SLIT3: variants seen among roughly 807,000 people sequenced by gnomAD.
SLIT3 encodes the protein slit homolog 3 protein.
Under a neutral mutation model 184.0 loss-of-function variants are expected in SLIT3, and 68 were observed. The ratio of observed to expected loss-of-function variants is 0.37; its 90% CI spans 0.30 to 0.45. The LOEUF is 0.45. Ranked by LOEUF, SLIT3 falls within the 20% of genes least tolerant of loss-of-function variation. SLIT3 has a pLI of 1.00. For synonymous variants in SLIT3, 831 were observed against 828.6 expected, an observed-to-expected ratio of 1.00 and a Z score of -0.05; for missense variants, 1,707 against 2,026.0, an observed-to-expected ratio of 0.84 and a Z score of 3.02.
chr5:168,847,079 T>C (rs527907630), intron 5 of SLIT3, among the ~76,000 whole-genome samples: 5 of 152,340 alleles, frequency 3.3e-5, no homozygotes, highest in African/African-American at 1.2e-4. Flanking sequence ...CTCTGATCAT[T>C]TTCAGGCTAA....
chr5:169,169,042 G>A (rs543926810), intron 4 of SLIT3, among the ~76,000 whole-genome samples: 34 of 152,258 alleles, frequency 2.2e-4, no homozygotes, highest in African/African-American at 7.9e-4. Context: ...CAGAGTGGGG[G>A]GGGGATCACC....
intron 6 of SLIT3, among the ~76,000 whole-genome samples, chr5:168,829,547 C>T (rs1159319226): frequency 1.3e-5 from 2 of 152,208 alleles, no homozygotes; most frequent in East Asian, 1.9e-4. Context: ...TAATGGCCCC[C>T]AAGAAGGAGA....
chr5:169,216,655 T>C (rs1373802764), intron 3 of SLIT3, among the ~76,000 whole-genome samples: 1 of 152,170 alleles, frequency 6.6e-6, no homozygotes, highest in Non-Finnish European at 1.5e-5. Context: ...TGAGCCCTGA[T>C]TTCATCTGTA....
chr5:169,188,442 A>G (rs1252567862), intron 4 of SLIT3, among the ~76,000 whole-genome samples: 1 of 152,224 alleles, frequency 6.6e-6, no homozygotes, highest in African/African-American at 2.4e-5. Context: ...AGGCCATGCA[A>G]GATCATGCTC....
At chr5:168,801,173 T>A (rs1395756643) in intron 9 of SLIT3, among the ~76,000 whole-genome samples, 1 of 152,112 alleles carries the variant, frequency 6.6e-6, no homozygotes, top group South Asian at 2.1e-4. Context: ...CCTGCTCCCA[T>A]CCCACCCTAT....
intron 4 of SLIT3, among the ~76,000 whole-genome samples, chr5:169,030,125 C>T (rs1489558307): frequency 6.6e-6 from 1 of 152,194 alleles, no homozygotes; most frequent in African/African-American, 2.4e-5. Context: ...TTTGACTAGA[C>T]CTGCCCTCTC....
intron 20 of SLIT3, among the ~76,000 whole-genome samples, chr5:168,731,863 G>T (rs1357310558): frequency 6.6e-6 from 1 of 152,004 alleles, no homozygotes; most frequent in Admixed American, 6.6e-5. Context: ...GAGAAAAGTT[G>T]AAAGGATTCC....
At position 168,666,640 on chromosome 5, in the gene SLIT3, T is replaced by C. The variant is rs145399127; in HGVS notation, c.4386A>G (p.Lys1462=). Residue 1462 remains lysine (K), a synonymous_variant, in exon 36 of 36, where the codon AAA becomes AAG. Coordinates refer to ENST00000519560, the MANE Select transcript of SLIT3 (RefSeq NM_003062.4). ...QVVREVIRRQ[K]GYASCATASK... is the part of the protein sequence containing the mutation. ...AGGCTGTGGCACATGATGCATAACC[T>C]TTCTGGCGGCGGATCACCTCTCGGA... is the stretch of plus-strand genomic sequence containing the variant. 28 of 1,614,050 alleles carry C rather than the reference T, an allele frequency of 1.7e-5. No individual in the cohort carries two copies. In the Admixed American group the frequency reaches 3.8e-4, roughly 22 times the overall value.
chr5:168,997,419 C>A, intron 4 of SLIT3, among the ~76,000 whole-genome samples: 1 of 152,046 alleles, frequency 6.6e-6, no homozygotes, highest in African/African-American at 2.4e-5. Context: ...GGAATCAAGT[C>A]CTATTGTGAA....
chr5:168,947,680 G>T (rs967280982), intron 4 of SLIT3, among the ~76,000 whole-genome samples: 6 of 152,214 alleles, frequency 3.9e-5, no homozygotes, highest in Middle Eastern at 3.2e-3. Context: ...CCTCCTGGAA[G>T]AATGTGCCCC....
intron 4 of SLIT3, among the ~76,000 whole-genome samples, chr5:169,169,642 C>G (rs779654359): frequency 1.3e-5 from 2 of 152,196 alleles, no homozygotes; most frequent in Non-Finnish European, 2.9e-5. Context: ...TGGTCCCTAT[C>G]AGAGAATTGC....
At chr5:169,030,131 C>G (rs1756972487) in intron 4 of SLIT3, among the ~76,000 whole-genome samples, 1 of 152,192 alleles carries the variant, frequency 6.6e-6, no homozygotes, top group Non-Finnish European at 1.5e-5. Flanking sequence ...TAGACCTGCC[C>G]TCTCCCTGCT....
intron 2 of SLIT3, among the ~76,000 whole-genome samples, chr5:169,248,539 G>C (rs1006392225): frequency 6.6e-6 from 1 of 152,192 alleles, no homozygotes; most frequent in East Asian, 1.9e-4. Context: ...AATCCGGGAA[G>C]GGCTGGACAC....
intron 5 of SLIT3, among the ~76,000 whole-genome samples, chr5:168,875,750 G>A (rs936110901): frequency 3.3e-5 from 5 of 151,826 alleles, no homozygotes; most frequent in African/African-American, 9.7e-5. Flanking sequence ...AAGGAATGAG[G>A]GGGAAGGGAG....
intron 4 of SLIT3, among the ~76,000 whole-genome samples, chr5:169,189,520 T>C (rs1439989725): frequency 7.9e-6 from 1 of 125,966 alleles, no homozygotes; most frequent in African/African-American, 3.0e-5. Flanking sequence ...GCTTCTTAGA[T>C]AGATGGGATA....
intron 4 of SLIT3, among the ~76,000 whole-genome samples, chr5:169,159,561 G>A (rs1323294043): frequency 6.6e-6 from 1 of 151,112 alleles, no homozygotes; most frequent in Non-Finnish European, 1.5e-5. Flanking sequence ...GGATCACAAG[G>A]TCAGCACATC....
intron 4 of SLIT3, among the ~76,000 whole-genome samples, chr5:168,904,022 AC>A (rs1282667960): frequency 2.6e-5 from 4 of 152,026 alleles, no homozygotes; most frequent in Non-Finnish European, 2.9e-5. Context: ...TCAATTTACT[AC>A]TGTGGAGGCT....
intron 4 of SLIT3, among the ~76,000 whole-genome samples, chr5:168,898,420 C>G (rs1220415056): frequency 6.7e-6 from 1 of 149,524 alleles, no homozygotes; most frequent in African/African-American, 2.5e-5. Context: ...TTTTAAAGAT[C>G]CAGCTCCTCT....
At chr5:169,062,906 G>A (rs1266897840) in intron 4 of SLIT3, among the ~76,000 whole-genome samples, 8 of 152,216 alleles carry the variant, frequency 5.3e-5, no homozygotes. Context: ...TGTCCAGGAA[G>A]GTGAACAGCA....
Sources: allele counts gnomAD v4.1 joint callset (sites outside exome capture counted in the v4.1 genomes callset), GRCh38; gene constraint gnomAD v4.1.1; transcripts MANE v1.5; gene names NCBI Gene and HGNC (gene_info 2026-07-23, HGNC 2026-07-21).